The following ASAP2 variants were observed in gnomAD, a reference collection of about 807,000 sequenced individuals.
The protein encoded by ASAP2 is arf-GAP with SH3 domain, ANK repeat and PH domain-containing protein 2.
ASAP2 carries 45 observed loss-of-function variants against 131.4 expected under a neutral mutation model. The observed-to-expected ratio is 0.34, with a 90% CI of 0.27 to 0.44. ASAP2 has a LOEUF of 0.44. Among genes scored for constraint, ASAP2 ranks in the 20% least tolerant of loss-of-function variants. The pLI is 1.00. For synonymous variants in ASAP2, 510 were observed against 503.0 expected, an observed-to-expected ratio of 1.01 and a Z score of -0.19; for missense variants, 1,011 against 1,297.0, an observed-to-expected ratio of 0.78 and a Z score of 3.39.
rs1167547534 is a variant in ASAP2, at chr2:9,254,208, CAAAAAAAAAAA to C, written c.127-25090_127-25080del. Among the ~76,000 whole-genome samples the C allele has an allele frequency of 2.1e-3, 33 of 15,628 alleles. No individual in the cohort carries two copies. The East Asian group carries it at 0.021, about 10-fold the overall frequency. 10.3% of individuals were successfully genotyped at this position (15,628 alleles called of 152,430 possible). ...CCTGGGGAACAGAGGGAGACTGTCT[CAAAAAAAAAAA>C]AAAAAAAAAAAAAAAAAATATATAT... On this transcript the variant is annotated intron_variant, in intron 1 of 27. Coordinates refer to ENST00000281419, the MANE Select transcript of ASAP2 (RefSeq NM_003887.3).
chr2:9,333,765 G>T (rs1417412824), intron 7 of ASAP2, among the ~76,000 whole-genome samples: 1 of 152,084 alleles, frequency 6.6e-6, no homozygotes, highest in Non-Finnish European at 1.5e-5. Flanking sequence ...TCTCAAAAGG[G>T]TTACACACAG....
At chr2:9,364,339 C>G (rs1254908549) in intron 15 of ASAP2, among the ~76,000 whole-genome samples, 1 of 151,698 alleles carries the variant, frequency 6.6e-6, no homozygotes, top group Non-Finnish European at 1.5e-5. Flanking sequence ...AAAACCCCAT[C>G]TCTACAAAAA....
chr2:9,333,448 A>G (rs1233781359), intron 7 of ASAP2, among the ~76,000 whole-genome samples: 1 of 152,228 alleles, frequency 6.6e-6, no homozygotes, highest in Non-Finnish European at 1.5e-5. Context: ...TAGGGGAATA[A>G]CTTGTAGGGG....
chr2:9,351,004 G>C, intron 12 of ASAP2, 109 bp downstream of exon 12: 1 of 814,632 alleles, frequency 1.2e-6, no homozygotes, highest in Non-Finnish European at 1.8e-6. Flanking sequence ...TTTTTGAAGA[G>C]ACATACCCTT....
chr2:9,373,121 G>A (rs1674111219), intron 16 of ASAP2, among the ~76,000 whole-genome samples: 1 of 152,056 alleles, frequency 6.6e-6, no homozygotes, highest in Admixed American at 6.5e-5. Context: ...TGTGTGGACG[G>A]GGAGCATGTG....
rs138478307 is a variant in ASAP2, at chr2:9,315,729, T to A, written c.346-2795T>A. Among the ~76,000 whole-genome samples, 887 of 152,334 alleles carry A rather than the reference T, an allele frequency of 5.8e-3. 6 individuals are homozygous for A. Among genetic ancestry groups the A allele is most frequent in the African/African-American group, 0.02 (845 of 41,578 alleles). ...TTACTCATCAGCACGGCCTTCTGTT[T>A]GTCCTTGTTCCTTCCAGTCGTTCCT... On this transcript the variant is annotated intron_variant, in intron 3 of 27. Coordinates refer to ENST00000281419, the MANE Select transcript of ASAP2 (RefSeq NM_003887.3).
In ASAP2 at chr2:9,346,491, G is replaced by A. The variant is rs559501684; in HGVS notation, c.1023+1691G>A. ...GCGTGGATGTGAGGGTATGAGTTCTGTAGACCAAGGGAAGCAAATTTATCC... is the reference window on the plus strand; with the variant it reads ...GCGTGGATGTGAGGGTATGAGTTCTATAGACCAAGGGAAGCAAATTTATCC... On this transcript the variant is annotated intron_variant, in intron 11 of 27. Coordinates refer to ENST00000281419, the MANE Select transcript of ASAP2 (RefSeq NM_003887.3). Among the ~76,000 whole-genome samples the A allele has an allele frequency of 2.6e-5, 4 of 151,594 alleles. No homozygotes were observed. In the East Asian group the frequency reaches 5.8e-4, roughly 22 times the overall value.
At chr2:9,324,449 G>T (rs575741021) in intron 6 of ASAP2, among the ~76,000 whole-genome samples, 3 of 152,314 alleles carry the variant, frequency 2.0e-5, no homozygotes, top group African/African-American at 4.8e-5. Context: ...AAATTTCCCA[G>T]TTCTGGAGGC....
In ASAP2 at chr2:9,302,513, C is replaced by T. The variant is rs552603826; in HGVS notation, c.345+5068C>T. Among the ~76,000 whole-genome samples the T allele has an allele frequency of 5.3e-5, 8 of 151,974 alleles. No homozygotes were observed. In the East Asian group the frequency reaches 5.8e-4, roughly 11 times the overall value. On this transcript the variant is annotated intron_variant, in intron 3 of 27. Transcript: ENST00000281419. ...TGTTTGAAACAGAGTCTCACTGTGTCGCCCAAGCTAGAGTGCAGTGGCACG... is the reference window on the plus strand; with the variant it reads ...TGTTTGAAACAGAGTCTCACTGTGTTGCCCAAGCTAGAGTGCAGTGGCACG...
chr2:9,375,903 C>T (rs1218400836), intron 17 of ASAP2, among the ~76,000 whole-genome samples: 2 of 152,228 alleles, frequency 1.3e-5, no homozygotes, highest in Non-Finnish European at 2.9e-5. Context: ...CAAGACCCCT[C>T]CTTTCCTGGG....
In ASAP2 at chr2:9,219,900, T is replaced by C. The variant is rs192336895; in HGVS notation, c.126+12670T>C. 1.6e-3 allele frequency among the ~76,000 whole-genome samples: 238 copies of C among 152,344 alleles called. 1 individual carries two copies. Among genetic ancestry groups the C allele is most frequent in the African/African-American group, 5.5e-3 (230 of 41,582 alleles). ...CCCGAGTCCTTGGCAGTCACTCATCTACTTTCTGTCTCTATGGATTTGCCT... is the reference window on the plus strand; with the variant it reads ...CCCGAGTCCTTGGCAGTCACTCATCCACTTTCTGTCTCTATGGATTTGCCT... On this transcript the variant is annotated intron_variant, in intron 1 of 27. Transcript: ENST00000281419.
In ASAP2 at chr2:9,302,461, A is replaced by G. The variant is rs551977045; in HGVS notation, c.345+5016A>G. On this transcript the variant is annotated intron_variant, in intron 3 of 27. Transcript: ENST00000281419. Reference sequence around the variant, plus strand: ...GCTAGGATTGCAGGCATGAGCCACCATGCCTGGCCAACTTTTTTTGTTTGT... The same window carrying G: ...GCTAGGATTGCAGGCATGAGCCACCGTGCCTGGCCAACTTTTTTTGTTTGT... Among the ~76,000 whole-genome samples, 526 of 150,714 alleles carry G rather than the reference A, an allele frequency of 3.5e-3. 2 individuals carry two copies. Among genetic ancestry groups the G allele is most frequent in the Non-Finnish European group, 5.5e-3 (373 of 67,740 alleles).
chr2:9,273,182 T>C (rs1365995595), intron 1 of ASAP2, among the ~76,000 whole-genome samples: 1 of 152,194 alleles, frequency 6.6e-6, no homozygotes, highest in Non-Finnish European at 1.5e-5. Flanking sequence ...TCCACAAATA[T>C]GGAATATCTT....
chr2:9,354,907 G>T (rs1255534159), intron 12 of ASAP2, among the ~76,000 whole-genome samples: 3 of 152,188 alleles, frequency 2.0e-5, no homozygotes, highest in Non-Finnish European at 4.4e-5. Context: ...CCTAAGAAGA[G>T]AATTGGTACT....
chr2:9,334,320 C>G (rs1671052685), intron 7 of ASAP2, among the ~76,000 whole-genome samples: 1 of 151,606 alleles, frequency 6.6e-6, no homozygotes, highest in African/African-American at 2.4e-5. Flanking sequence ...AAGTCCCTCA[C>G]CCTGGGATTA....
chr2:9,370,225 C>A (rs1572567890), intron 16 of ASAP2, among the ~76,000 whole-genome samples: 1 of 152,284 alleles, frequency 6.6e-6, no homozygotes, highest in African/African-American at 2.4e-5. Flanking sequence ...GCTGATGTAA[C>A]TTGATACAGT....
intron 9 of ASAP2, among the ~76,000 whole-genome samples, chr2:9,341,610 C>T (rs962474892): frequency 2.6e-5 from 4 of 152,100 alleles, no homozygotes; most frequent in Non-Finnish European, 5.9e-5. Flanking sequence ...CTTTTTTTCT[C>T]CCCCAAATCA....
At chr2:9,377,111 C>T (rs1172991671) in intron 18 of ASAP2, 118 bp downstream of exon 18, 1 of 886,996 alleles carries the variant, frequency 1.1e-6, no homozygotes, top group Non-Finnish European at 1.7e-6. Context: ...CAGTTCTAAA[C>T]ATGAATTAAA....
At chr2:9,359,486 A>G (rs1012006781) in intron 15 of ASAP2, among the ~76,000 whole-genome samples, 3 of 152,254 alleles carry the variant, frequency 2.0e-5, no homozygotes, top group Non-Finnish European at 4.4e-5. Context: ...TAGTCCCACA[A>G]GGTCCATCAG....
Sources: allele counts gnomAD v4.1 joint callset (sites outside exome capture counted in the v4.1 genomes callset), GRCh38; gene constraint gnomAD v4.1.1; transcripts MANE v1.5; gene names NCBI Gene and HGNC (gene_info 2026-07-23, HGNC 2026-07-21).